Variants in ANKAR observed in about 807,000 individuals in gnomAD.
ANKAR encodes the protein ankyrin and armadillo repeat containing, also known as ankyrin and armadillo repeat-containing protein.
A neutral mutation model predicts 146.2 loss-of-function variants in ANKAR; 136 were observed. That is an observed-to-expected ratio of 0.93 (90% CI 0.81 to 1.07). The LOEUF is 1.07. ANKAR is among the 50% of genes least tolerant of loss of function. The pLI is 0.00. For synonymous variants in ANKAR, 500 were observed against 575.8 expected, an observed-to-expected ratio of 0.87 and a Z score of 1.88; for missense variants, 1,567 against 1,679.9, an observed-to-expected ratio of 0.93 and a Z score of 1.18.
At chr2:189,742,542 T>C (rs1013983474) in intron 20 of ANKAR, among the ~76,000 whole-genome samples, 1 of 149,568 alleles carries the variant, frequency 6.7e-6, no homozygotes, top group Non-Finnish European at 1.5e-5. Flanking sequence ...AACGTCTGAA[T>C]GTTAAAAAAA....
chr2:189,759,241 A>G (rs1300094065), intron 18 of ANKAR, among the ~76,000 whole-genome samples: 1 of 150,942 alleles, frequency 6.6e-6, no homozygotes, highest in Non-Finnish European at 1.5e-5. Context: ...TATGAGGCAG[A>G]TGTTAATTTT....
intron 17 of ANKAR, 138 bp from the exon 18 acceptor site, chr2:189,737,545 T>C (rs2042966421): frequency 1.4e-6 from 1 of 720,068 alleles, no homozygotes; most frequent in African/African-American, 1.9e-5. Context: ...AACTATTATC[T>C]CTTTTCCCTA....
chr2:189,761,729 A>T (rs2047086698), downstream of ANKAR: 2 of 1,399,796 alleles, frequency 1.4e-6, no homozygotes, highest in Non-Finnish European at 1.9e-6. Flanking sequence ...TTCAATATAT[A>T]GTTTTACAGA....
intron 18 of ANKAR, among the ~76,000 whole-genome samples, chr2:189,751,908 G>A (rs1385402391): frequency 6.6e-6 from 1 of 151,710 alleles, no homozygotes; most frequent in Non-Finnish European, 1.5e-5. Context: ...CATTTTGGGA[G>A]GCCGAGGTGG....
intron 10 of ANKAR, among the ~76,000 whole-genome samples, chr2:189,716,002 GGAAGCATTCCCTCT>G (rs1427566863): frequency 6.6e-6 from 1 of 152,182 alleles, no homozygotes; most frequent in Non-Finnish European, 1.5e-5. Context: ...GGCAAAAATT[GGAAGCATTCCCTCT>G]GAAAACTGGC....
At chr2:189,730,702 T>A in intron 16 of ANKAR, 101 bp downstream of exon 16, 1 of 511,810 alleles carries the variant, frequency 2.0e-6, no homozygotes, top group Non-Finnish European at 3.1e-6. Flanking sequence ...TAAAAATATT[T>A]AATCTTTTAA....
At chr2:189,723,648 G>C in intron 12 of ANKAR, among the ~76,000 whole-genome samples, 1 of 151,978 alleles carries the variant, frequency 6.6e-6, no homozygotes, top group East Asian at 1.9e-4. Flanking sequence ...GAAAACTTTG[G>C]AATTATGACC....
chr2:189,704,228 G>A (rs1053548621), intron 7 of ANKAR, among the ~76,000 whole-genome samples: 5 of 149,894 alleles, frequency 3.3e-5, no homozygotes, highest in Admixed American at 1.3e-4. Flanking sequence ...TACAACCTCC[G>A]CCTCCCAGGC....
chr2:189,758,149 G>A (rs564553641), intron 18 of ANKAR, among the ~76,000 whole-genome samples: 28 of 152,278 alleles, frequency 1.8e-4, no homozygotes, highest in African/African-American at 6.3e-4. Context: ...TTGGGAGGCC[G>A]AGGTGGGTGG....
At chr2:189,743,672 C>G (rs2043675059) in intron 21 of ANKAR, among the ~76,000 whole-genome samples, 198 bp downstream of exon 21, 1 of 152,154 alleles carries the variant, frequency 6.6e-6, no homozygotes, top group Non-Finnish European at 1.5e-5. Flanking sequence ...TGGGTGCAGA[C>G]AAGAACACAT....
chr2:189,722,744 G>A (rs2041443660), intron 12 of ANKAR, among the ~76,000 whole-genome samples: 2 of 152,058 alleles, frequency 1.3e-5, no homozygotes, highest in Non-Finnish European at 2.9e-5. Flanking sequence ...TTATCTGGGT[G>A]TGGTGGCGCG....
At chr2:189,753,851 G>A in intron 18 of ANKAR, 2 of 1,537,896 alleles carry the variant, frequency 1.3e-6, no homozygotes, top group Non-Finnish European at 1.8e-6. Context: ...ACAAGGTCAA[G>A]GTCTTGGGAA....
At chr2:189,747,178 A>T (rs1047436467), downstream of ANKAR, 1 of 152,478 alleles carries the variant, frequency 6.6e-6, no homozygotes, top group Admixed American at 6.6e-5. Flanking sequence ...TCTACAAAAA[A>T]TAGAAATAAA....
At chr2:189,713,873 A>C (rs987487954) in intron 10 of ANKAR, among the ~76,000 whole-genome samples, 2 of 152,222 alleles carry the variant, frequency 1.3e-5, no homozygotes, top group African/African-American at 4.8e-5. Context: ...GACCCATCTC[A>C]TGTGCAGAGA....
Position 189,730,494 on chromosome 2 carries a change from G to A in ANKAR, c.3194-1G>A. On this transcript the variant is annotated splice_acceptor_variant, in intron 15 of 22. Transcript: ENST00000684021. LOFTEE classifies it high-confidence loss of function. ...TACCTCACTGGCGTGGACTCTTACA[G>A]GTGTAGCCCATACAAGCAATCCTGT... 2 of 1,582,128 alleles carry A rather than the reference G, an allele frequency of 1.3e-6. No homozygotes were observed. The highest frequency in any genetic ancestry group is 1.7e-5 in the Admixed American group (1 of 57,328).
chr2:189,733,186 T>C lies in ANKAR; in HGVS notation c.3380T>C (p.Phe1127Ser), dbSNP rs2042567421. The change falls in exon 17 of 23, where the codon TTT becomes TCT. Residue 1127 changes from phenylalanine to serine, a missense_variant. Physicochemically the swap from Phe to Ser is radical, Grantham distance 155. Transcript: ENST00000684021. ...LQKDLHENEGFEYADVLYLLH... is the reference protein window; with the variant it reads ...LQKDLHENEGSEYADVLYLLH... ...AAAGACTTACATGAAAATGAAGGAT[T>C]TGAATATGCTGATGTCCTTTATCTT... 1 of 1,612,184 alleles carries C rather than the reference T, an allele frequency of 6.2e-7. No individual in the cohort carries two copies. Among genetic ancestry groups the C allele is most frequent in the African/African-American group, 1.3e-5 (1 of 74,978 alleles).
chr2:189,763,015 A>C, downstream of ANKAR: 1 of 985,328 alleles, frequency 1.0e-6, no homozygotes, highest in Non-Finnish European at 1.2e-6. Context: ...ACACAACATC[A>C]AGTTCCAAAC....
rs2042989994 is a variant in ANKAR, at chr2:189,737,850, T to C, written c.3582+9T>C. On this transcript the variant is annotated intron_variant, in intron 18 of 22. Coordinates refer to ENST00000684021, the MANE Select transcript of ANKAR (RefSeq NM_001378068.1). ...CAATGGCAGCATTTCAGGTATAAAA[T>C]TGAGATTAACACCTCAAATTAATAA... is the stretch of plus-strand genomic sequence containing the variant. The C allele has an allele frequency of 5.2e-6, 8 of 1,532,900 alleles. 1 individual carries two copies. In the East Asian group the frequency reaches 1.9e-4, roughly 37 times the overall value. The allele number at this position is 1,532,900 out of a possible 1,614,324, so 95.0% of individuals were successfully genotyped here.
chr2:189,686,518 C>G lies in ANKAR; in HGVS notation c.602-3009C>G, dbSNP rs147228359. ...TATTTATTAAATGATGATTACTTAG[C>G]TGGCAGTTTCTTTGTTTATTATGCA... is the stretch of plus-strand genomic sequence containing the variant. On this transcript the variant is annotated intron_variant, in intron 2 of 22. Transcript: ENST00000684021. Among the ~76,000 whole-genome samples the G allele has an allele frequency of 2.7e-3, 408 of 152,118 alleles. 2 individuals are homozygous for G. The highest frequency in any genetic ancestry group is 9.1e-3 in the African/African-American group (379 of 41,510).
Sources: allele counts gnomAD v4.1 joint callset (sites outside exome capture counted in the v4.1 genomes callset), GRCh38; gene constraint gnomAD v4.1.1; transcripts MANE v1.5; gene names NCBI Gene and HGNC (gene_info 2026-07-23, HGNC 2026-07-21).